COP1: variants seen among roughly 807,000 people sequenced by gnomAD.
COP1 encodes the protein COP1 E3 ubiquitin ligase, also known as E3 ubiquitin-protein ligase COP1.
COP1 carries 24 observed loss-of-function variants against 101.3 expected under a neutral mutation model. The ratio of observed to expected loss-of-function variants is 0.24; its 90% confidence interval spans 0.17 to 0.33. COP1 has a LOEUF of 0.33. Among genes scored for constraint, COP1 ranks in the 10% least tolerant of loss-of-function variants. The pLI is 1.00. For synonymous variants in COP1, 347 were observed against 341.9 expected (o/e 1.01, Z -0.17); for missense variants, 663 against 906.2 (o/e 0.73, Z 3.45).
intron 18 of COP1, among the ~76,000 whole-genome samples, chr1:175,958,420 C>T (rs1001748171): frequency 2.0e-5 from 3 of 151,818 alleles, no homozygotes; most frequent in Non-Finnish European, 4.4e-5. Context: ...AAATATTTCC[C>T]CCAAAATAAG....
At chr1:176,082,821 A>G (rs1239771563) in intron 10 of COP1, among the ~76,000 whole-genome samples, 1 of 152,054 alleles carries the variant, frequency 6.6e-6, no homozygotes, top group Non-Finnish European at 1.5e-5. Context: ...AAAAAGAAAA[A>G]AGAAAAAAGA....
At chr1:176,101,634 G>T (rs1683416948) in intron 9 of COP1, among the ~76,000 whole-genome samples, 1 of 152,152 alleles carries the variant, frequency 6.6e-6, no homozygotes, top group Non-Finnish European at 1.5e-5. Context: ...TCGGGCTTCT[G>T]CCCCCATCTC....
Position 176,179,619 on chromosome 1 carries a change from C to T in COP1, c.468-3612G>A, listed in dbSNP as rs939248875. 1.4e-4 allele frequency among the ~76,000 whole-genome samples: 21 copies of T among 152,128 alleles called. 2 individuals are homozygous for T. Among genetic ancestry groups the T allele is most frequent in the Admixed American group, 1.2e-3 (18 of 15,280 alleles). On this transcript the variant is annotated intron_variant, in intron 2 of 19. Coordinates refer to ENST00000367669, the MANE Select transcript of COP1 (RefSeq NM_022457.7). ...CATGGTGGCAGTCTGTCCCTGTGAT[C>T]CTAGCTACTCAGGAGGCTGAAGCAG...
At chr1:176,201,859 T>C (rs1700294632) in intron 1 of COP1, among the ~76,000 whole-genome samples, 1 of 152,204 alleles carries the variant, frequency 6.6e-6, no homozygotes, top group African/African-American at 2.4e-5. Flanking sequence ...AAAAGAAGCA[T>C]CAAGTTTGAC....
intron 18 of COP1, among the ~76,000 whole-genome samples, chr1:175,978,887 A>C (rs1406410204): frequency 6.6e-6 from 1 of 152,180 alleles, no homozygotes; most frequent in African/African-American, 2.4e-5. Flanking sequence ...GAAAGTTAGT[A>C]TATTTTTAGG....
Position 175,972,153 on chromosome 1 carries a change from T to C in COP1, c.2133+14790A>G, listed in dbSNP as rs973816862. On this transcript the variant is annotated intron_variant, in intron 18 of 19. Transcript: ENST00000367669. ...CAACAACAACAAATACAAAAGGTGGTTCTTGGTCCTCACCTTCAGAAAGTC... is the reference window on the plus strand; with the variant it reads ...CAACAACAACAAATACAAAAGGTGGCTCTTGGTCCTCACCTTCAGAAAGTC... 3.9e-5 allele frequency among the ~76,000 whole-genome samples: 6 copies of C among 152,184 alleles called. No homozygotes were observed. The South Asian group carries it at 1.2e-3, about 32-fold the overall frequency.
chr1:176,010,641 G>A (rs971669051), intron 15 of COP1, among the ~76,000 whole-genome samples: 4 of 152,182 alleles, frequency 2.6e-5, no homozygotes, highest in African/African-American at 9.6e-5. Context: ...CAATGGTGAT[G>A]CCAAATTTGA....
In COP1 at chr1:176,202,707, C is replaced by T. The variant is rs146286598; in HGVS notation, c.407+3865G>A. Among the ~76,000 whole-genome samples, 1,116 of 151,906 alleles carry T rather than the reference C, an allele frequency of 7.3e-3. 13 individuals carry two copies. Among genetic ancestry groups the T allele is most frequent in the African/African-American group, 0.025 (1,056 of 41,440 alleles). On this transcript the variant is annotated intron_variant, in intron 1 of 19. Coordinates refer to ENST00000367669, the MANE Select transcript of COP1 (RefSeq NM_022457.7). ...AAAAATTGGAAACCAGTTATATTAA[C>T]AAGAATGGTCAACAGGCTTCATTTT...
At chr1:176,110,784 T>A (rs1465534346) in intron 9 of COP1, among the ~76,000 whole-genome samples, 1 of 152,230 alleles carries the variant, frequency 6.6e-6, no homozygotes, top group African/African-American at 2.4e-5. Flanking sequence ...AGCTCCCTCC[T>A]CTTACTAGCT....
intron 18 of COP1, among the ~76,000 whole-genome samples, chr1:175,981,111 G>C (rs1471358954): frequency 6.6e-6 from 1 of 151,990 alleles, no homozygotes; most frequent in East Asian, 1.9e-4. Flanking sequence ...ACTTTCATCT[G>C]GAATCTTTTT....
rs138498164 is a variant in COP1 at position 175,972,238 on chromosome 1, A to C, written c.2133+14705T>G. Among the ~76,000 whole-genome samples, 256 of 152,340 alleles carry C rather than the reference A, an allele frequency of 1.7e-3. 1 individual carries two copies. The highest frequency in any genetic ancestry group is 5.9e-3 in the African/African-American group (245 of 41,580). On this transcript the variant is annotated intron_variant, in intron 18 of 19. Transcript: ENST00000367669. ...ATTTTAATTCCTATCCCAAGTAACT[A>C]ATAATTCTAAAGCAGGTGATCAACA...
intron 8 of COP1, among the ~76,000 whole-genome samples, chr1:176,132,024 C>T (rs991143434): frequency 2.0e-5 from 3 of 151,348 alleles, no homozygotes; most frequent in Admixed American, 6.6e-5. Context: ...GTATGTTTTA[C>T]GAGATCTGCT....
intron 11 of COP1, among the ~76,000 whole-genome samples, chr1:176,080,341 C>T (rs1482808540): frequency 6.6e-6 from 1 of 151,982 alleles, no homozygotes; most frequent in East Asian, 1.9e-4. Context: ...AACTAAAGGA[C>T]CTCAATTTTT....
intron 8 of COP1, among the ~76,000 whole-genome samples, chr1:176,125,282 T>C (rs1687826652): frequency 6.6e-6 from 1 of 152,176 alleles, no homozygotes; most frequent in South Asian, 2.1e-4. Context: ...TTGTTCATTT[T>C]TGCTTTGGTT....
chr1:176,143,147 A>G (rs976412045), intron 6 of COP1, among the ~76,000 whole-genome samples: 17 of 125,490 alleles, frequency 1.4e-4, no homozygotes, highest in Non-Finnish European at 2.2e-4. Context: ...AGCGAGAGAA[A>G]GAGAGAGAGA....
At chr1:176,023,735 AAAAAG>A (rs1160885975) in intron 15 of COP1, among the ~76,000 whole-genome samples, 19 of 107,426 alleles carry the variant, frequency 1.8e-4, no homozygotes, top group African/African-American at 5.4e-4. Context: ...AAAAAAAAAA[AAAAAG>A]AAAAGAAAAG....
chr1:175,974,397 G>A (rs1301749752), intron 18 of COP1, among the ~76,000 whole-genome samples: 1 of 152,164 alleles, frequency 6.6e-6, no homozygotes, highest in African/African-American at 2.4e-5. Flanking sequence ...TCATGTGATA[G>A]TAAGTCAATG....
At chr1:176,161,924 C>T (rs1694386937) in intron 5 of COP1, among the ~76,000 whole-genome samples, 1 of 152,146 alleles carries the variant, frequency 6.6e-6, no homozygotes. Context: ...CATAATCTAG[C>T]CACAGAAATC....
At chr1:176,046,466 CA>C in intron 11 of COP1, 142 bp from the exon 12 acceptor site, 1 of 718,880 alleles carries the variant, frequency 1.4e-6, no homozygotes, top group East Asian at 2.8e-5. Flanking sequence ...AAGTAATCAA[CA>C]CATATCAAAT....
Sources: gnomAD v4.1 joint callset for allele counts (sites outside exome capture counted in the v4.1 genomes callset) on GRCh38, gnomAD v4.1.1 for gene constraint, MANE v1.5 for transcripts, NCBI Gene and HGNC (gene_info 2026-07-23, HGNC 2026-07-21) for gene names.